GRAMD2B: variants seen among roughly 807,000 people sequenced by gnomAD.
GRAMD2B encodes GRAM domain containing 2B, also known as GRAM domain-containing protein 2B.
A neutral mutation model predicts 59.2 loss-of-function variants in GRAMD2B; 41 were observed. The observed-to-expected ratio is 0.69, with a 90% CI of 0.54 to 0.90. The LOEUF is 0.90. GRAMD2B is among the 40% of genes least tolerant of loss of function. GRAMD2B has a pLI of 0.00. For synonymous variants in GRAMD2B, 161 were observed against 182.7 expected (o/e 0.88, Z 0.96); for missense variants, 424 against 500.5 (o/e 0.85, Z 1.46).
chr5:126,445,546 T>C (rs1400938985), intron 1 of GRAMD2B: 1 of 146,990 alleles, frequency 6.8e-6, no homozygotes, highest in Non-Finnish European at 1.5e-5. Context: ...CCAGAGGAAG[T>C]GGGCAGCCTG....
At chr5:126,441,760 T>C (rs939811481) in intron 1 of GRAMD2B, among the ~76,000 whole-genome samples, 3 of 152,182 alleles carry the variant, frequency 2.0e-5, no homozygotes, top group Non-Finnish European at 4.4e-5. Flanking sequence ...CCAATGAGGA[T>C]TTTTTTAGGA....
chr5:126,488,949 C>A, intron 13 of GRAMD2B, 57 bp downstream of exon 13: 1 of 1,285,252 alleles, frequency 7.8e-7, no homozygotes, highest in Non-Finnish European at 1.1e-6. Flanking sequence ...GTTGGTTGCC[C>A]TAGGTCAGGT....
At chr5:126,446,055 C>T (rs1360797799) in intron 1 of GRAMD2B, among the ~76,000 whole-genome samples, 2 of 152,186 alleles carry the variant, frequency 1.3e-5, no homozygotes, top group African/African-American at 4.8e-5. Flanking sequence ...CCTAGAGATG[C>T]TTTAGTCCAC....
rs142327323 is a variant in GRAMD2B at position 126,458,297 on chromosome 5, T to C, written c.84-7129T>C. Among the ~76,000 whole-genome samples the C allele has an allele frequency of 1.2e-4, 18 of 152,196 alleles. 2 individuals carry two copies. Among genetic ancestry groups the C allele is most frequent in the Admixed American group, 3.3e-4 (5 of 15,294 alleles). Reference sequence around the variant, plus strand: ...GAAAAATATAAAAATTAGCCAGGCATGGTGTTGTGCGCCTGTAATCCCAGC... The same window carrying C: ...GAAAAATATAAAAATTAGCCAGGCACGGTGTTGTGCGCCTGTAATCCCAGC... On this transcript the variant is annotated intron_variant, in intron 1 of 13. Coordinates refer to ENST00000285689, the MANE Select transcript of GRAMD2B (RefSeq NM_023927.4).
At chr5:126,442,571 C>T (rs375624056) in intron 1 of GRAMD2B, among the ~76,000 whole-genome samples, 1 of 152,124 alleles carries the variant, frequency 6.6e-6, no homozygotes, top group East Asian at 1.9e-4. Context: ...GGATTACAGG[C>T]GTGAGCGACC....
At chr5:126,465,632 G>A in intron 2 of GRAMD2B, 87 bp downstream of exon 2, 1 of 1,191,814 alleles carries the variant, frequency 8.4e-7, no homozygotes, top group South Asian at 1.4e-5. Flanking sequence ...TGTTAAGAGT[G>A]AGGATGTATT....
chr5:126,433,626 A>T lies in GRAMD2B; in HGVS notation c.83+9937A>T, dbSNP rs1377752420. ...CACAGGTACCTCTTTGGATACTTGC[A>T]TATTTATCTGTGCTCCAGCTTAGCA... is the stretch of plus-strand genomic sequence containing the variant. On this transcript the variant is annotated intron_variant, in intron 1 of 13. Transcript: ENST00000285689. 2.6e-5 allele frequency: 4 copies of T among 152,344 alleles called. No homozygotes were observed. The South Asian group carries it at 8.3e-4, about 32-fold the overall frequency. 9.4% of individuals were successfully genotyped at this position (152,344 alleles called of 1,614,324 possible).
At chr5:126,447,365 G>C (rs542536751) in intron 1 of GRAMD2B, among the ~76,000 whole-genome samples, 9 of 152,170 alleles carry the variant, frequency 5.9e-5, no homozygotes, top group Non-Finnish European at 1.2e-4. Flanking sequence ...CCCTGGGCTA[G>C]AAATCAGAAA....
At chr5:126,392,432 T>C (rs923805615) in intron 1 of GRAMD2B, among the ~76,000 whole-genome samples, 1 of 152,142 alleles carries the variant, frequency 6.6e-6, no homozygotes, top group African/African-American at 2.4e-5. Context: ...TGTAGCAATA[T>C]GTGTGCAATA....
chr5:126,473,414 A>T, intron 5 of GRAMD2B, 46 bp downstream of exon 5: 1 of 562,330 alleles, frequency 1.8e-6, no homozygotes, highest in Non-Finnish European at 3.1e-6. Flanking sequence ...ACTTTATTAT[A>T]TATGGTAAAT....
rs114149623 is a variant in GRAMD2B, at chr5:126,386,564, G to A, written c.125+14997G>A. Among the ~76,000 whole-genome samples the A allele has an allele frequency of 5.1e-3, 773 of 152,296 alleles. 5 individuals are homozygous for A. The highest frequency in any genetic ancestry group is 9.1e-3 in the Non-Finnish European group (619 of 68,016). ...CAAGGCTGAGAATACCAAGAAGGGT[G>A]ATCACTGGGGACCATCATGGAGGCT... is the stretch of plus-strand genomic sequence containing the variant. On this transcript the variant is annotated intron_variant, in intron 1 of 8. Transcript: ENST00000506445.
At chr5:126,375,781 T>C (rs1755133577) in intron 1 of GRAMD2B, among the ~76,000 whole-genome samples, 1 of 152,358 alleles carries the variant, frequency 6.6e-6, no homozygotes, top group East Asian at 1.9e-4. Flanking sequence ...TTAAAGGGAA[T>C]GCTTTTAATA....
intron 5 of GRAMD2B, among the ~76,000 whole-genome samples, chr5:126,477,456 T>C (rs929374095): frequency 2.0e-5 from 3 of 152,214 alleles, no homozygotes; most frequent in Non-Finnish European, 4.4e-5. Flanking sequence ...CCCACCAAGA[T>C]CTTCAGTCCA....
At chr5:126,424,823 T>C (rs1760309020) in intron 1 of GRAMD2B, among the ~76,000 whole-genome samples, 1 of 152,216 alleles carries the variant, frequency 6.6e-6, no homozygotes, top group Non-Finnish European at 1.5e-5. Flanking sequence ...GCAGGTGCTA[T>C]TATTTCCATG....
chr5:126,469,819 A>G, intron 3 of GRAMD2B, 31 bp downstream of exon 3: 1 of 1,495,730 alleles, frequency 6.7e-7, no homozygotes, highest in East Asian at 2.3e-5. Flanking sequence ...GTATTGTCTT[A>G]GAGGGTGACA....
At chr5:126,397,310 C>T (rs1757441239) in intron 1 of GRAMD2B, among the ~76,000 whole-genome samples, 1 of 152,138 alleles carries the variant, frequency 6.6e-6, no homozygotes, top group Admixed American at 6.5e-5. Flanking sequence ...CTGCAACCTT[C>T]ACCTTCCAAG....
At chr5:126,430,716 T>G (rs1201276361) in intron 1 of GRAMD2B, among the ~76,000 whole-genome samples, 1 of 152,200 alleles carries the variant, frequency 6.6e-6, no homozygotes, top group Non-Finnish European at 1.5e-5. Context: ...AAGAAAGGGC[T>G]TTCATGTAGC....
chr5:126,482,517 C>T (rs528988377), intron 8 of GRAMD2B, among the ~76,000 whole-genome samples: 46 of 152,168 alleles, frequency 3.0e-4, no homozygotes, highest in Non-Finnish European at 5.9e-4. Flanking sequence ...CATTAAAATG[C>T]CAGCTTCATG....
chr5:126,365,208 TG>T (rs1349331491), intron 1 of GRAMD2B, among the ~76,000 whole-genome samples: 1 of 152,198 alleles, frequency 6.6e-6, no homozygotes, highest in Non-Finnish European at 1.5e-5. Flanking sequence ...AAAACCTTAG[TG>T]GCACAAAGTT....
Sources: allele counts gnomAD v4.1 joint callset (sites outside exome capture counted in the v4.1 genomes callset), GRCh38; gene constraint gnomAD v4.1.1; transcripts MANE v1.5; gene names NCBI Gene and HGNC (gene_info 2026-07-23, HGNC 2026-07-21).